Variants in CADM2 observed in about 807,000 individuals in gnomAD.
The protein encoded by CADM2 is cell adhesion molecule 2, also known as immunoglobulin superfamily member 4D.
A neutral mutation model predicts 49.8 loss-of-function variants in CADM2; 12 were observed. That is an observed-to-expected ratio of 0.24 (90% CI 0.15 to 0.39). CADM2 has a LOEUF of 0.39. Ranked by LOEUF, CADM2 falls within the 10% of genes least tolerant of loss-of-function variation. CADM2 has a pLI of 1.00. For synonymous variants in CADM2, 214 were observed against 175.4 expected (o/e 1.22, Z -1.74); for missense variants, 378 against 492.3 (o/e 0.77, Z 2.20).
At chr3:85,310,790 C>T (rs145445105) in intron 1 of CADM2, among the ~76,000 whole-genome samples, 22 of 151,524 alleles carry the variant, frequency 1.5e-4, no homozygotes, top group African/African-American at 4.8e-4. Context: ...GAAATTTTTA[C>T]ATCACCAATT....
intron 1 of CADM2, among the ~76,000 whole-genome samples, chr3:85,654,012 A>G (rs188223187): frequency 1.0e-3 from 154 of 152,364 alleles, no homozygotes; most frequent in Middle Eastern, 6.8e-3. Context: ...GGATTTATCA[A>G]TCTGAAAGCC....
chr3:85,622,686 G>T (rs186095622), intron 1 of CADM2, among the ~76,000 whole-genome samples: 1 of 152,168 alleles, frequency 6.6e-6, no homozygotes, highest in Admixed American at 6.6e-5. Context: ...AATCAAACTT[G>T]CATACTTATC....
chr3:85,850,337 T>G (rs77963981), intron 3 of CADM2, among the ~76,000 whole-genome samples: 2 of 135,348 alleles, frequency 1.5e-5, no homozygotes, highest in Non-Finnish European at 3.1e-5. Context: ...TTTTTTTTTT[T>G]TTTTTGAGAC....
At chr3:85,724,283 C>T (rs1659666119) in intron 1 of CADM2, among the ~76,000 whole-genome samples, 1 of 151,732 alleles carries the variant, frequency 6.6e-6, no homozygotes, top group Non-Finnish European at 1.5e-5. Flanking sequence ...ATGTAATATA[C>T]TTGCACACTT....
At chr3:85,076,835 G>T (rs2107489028) in intron 1 of CADM2, among the ~76,000 whole-genome samples, 1 of 152,140 alleles carries the variant, frequency 6.6e-6, no homozygotes, top group Non-Finnish European at 1.5e-5. Flanking sequence ...ACAAGGGCGT[G>T]GTGGCAGGCA....
intron 1 of CADM2, among the ~76,000 whole-genome samples, chr3:85,613,298 T>G (rs566786673): frequency 2.0e-5 from 3 of 151,854 alleles, no homozygotes; most frequent in African/African-American, 7.2e-5. Flanking sequence ...CATATTAATC[T>G]AGTATAACCT....
chr3:85,006,691 A>T (rs1031183201), intron 1 of CADM2, among the ~76,000 whole-genome samples: 1 of 152,148 alleles, frequency 6.6e-6, no homozygotes, highest in African/African-American at 2.4e-5. Flanking sequence ...GCTAATATGT[A>T]CACTTTGAAA....
intron 1 of CADM2, among the ~76,000 whole-genome samples, chr3:85,574,964 T>C (rs1384700534): frequency 6.6e-6 from 1 of 152,102 alleles, no homozygotes; most frequent in African/African-American, 2.4e-5. Context: ...ATTACCCTTA[T>C]TGAGAGTAGA....
At chr3:85,850,521 G>T (rs542733336) in intron 3 of CADM2, among the ~76,000 whole-genome samples, 1 of 151,790 alleles carries the variant, frequency 6.6e-6, no homozygotes, top group South Asian at 2.1e-4. Context: ...GTAGAGACGG[G>T]GTTTCACCAT....
At chr3:85,684,531 G>T (rs543022789) in intron 1 of CADM2, among the ~76,000 whole-genome samples, 2 of 152,254 alleles carry the variant, frequency 1.3e-5, no homozygotes, top group South Asian at 4.1e-4. Flanking sequence ...CTAGGGTCTT[G>T]TGTATTAGTT....
intron 1 of CADM2, among the ~76,000 whole-genome samples, chr3:85,150,663 G>C (rs1277853632): frequency 6.6e-6 from 1 of 151,960 alleles, no homozygotes; most frequent in Admixed American, 6.6e-5. Context: ...TCAGCACTTT[G>C]GGAGGCTGAG....
chr3:85,483,020 T>TAA (rs2039275292), intron 1 of CADM2, among the ~76,000 whole-genome samples: 1 of 151,608 alleles, frequency 6.6e-6, no homozygotes, highest in Admixed American at 6.6e-5. Context: ...CAATCTTGAC[T>TAA]AAAAAACACC....
At chr3:85,040,589 G>C (rs1291455468) in intron 1 of CADM2, among the ~76,000 whole-genome samples, 1 of 151,180 alleles carries the variant, frequency 6.6e-6, no homozygotes, top group Non-Finnish European at 1.5e-5. Flanking sequence ...ACAAACAATA[G>C]GTTTAATCCT....
At chr3:85,016,551 G>T (rs1043097570) in intron 1 of CADM2, among the ~76,000 whole-genome samples, 1 of 152,126 alleles carries the variant, frequency 6.6e-6, no homozygotes, top group Non-Finnish European at 1.5e-5. Context: ...CTAGCACTTT[G>T]GTTGGCCAAG....
chr3:85,594,088 A>C (rs2063181145), intron 1 of CADM2, among the ~76,000 whole-genome samples: 1 of 152,004 alleles, frequency 6.6e-6, no homozygotes, highest in South Asian at 2.1e-4. Context: ...AAATTCTTAA[A>C]AACAGTAATT....
At chr3:85,811,902 G>A (rs1228910359) in intron 3 of CADM2, among the ~76,000 whole-genome samples, 1 of 144,806 alleles carries the variant, frequency 6.9e-6, no homozygotes, top group Non-Finnish European at 1.5e-5. Flanking sequence ...CCCATTTTGA[G>A]CATTAGTAGC....
At chr3:85,949,640 A>G (rs1221128142) in intron 7 of CADM2, among the ~76,000 whole-genome samples, 1 of 151,234 alleles carries the variant, frequency 6.6e-6, no homozygotes, top group Non-Finnish European at 1.5e-5. Flanking sequence ...ATTATCTTCA[A>G]GCTTTACTTA....
chr3:85,346,343 T>A (rs1247689667), intron 1 of CADM2, among the ~76,000 whole-genome samples: 1 of 152,190 alleles, frequency 6.6e-6, no homozygotes, highest in Non-Finnish European at 1.5e-5. Context: ...TACTTTGACA[T>A]TTTTCACAGG....
intron 1 of CADM2, among the ~76,000 whole-genome samples, chr3:85,209,486 G>C (rs550255912): frequency 1.5e-4 from 23 of 152,118 alleles, no homozygotes; most frequent in Admixed American, 9.2e-4. Context: ...AAATATTTCT[G>C]TAAAGGTTAT....
Sources: allele counts gnomAD v4.1 joint callset (sites outside exome capture counted in the v4.1 genomes callset), GRCh38; gene constraint gnomAD v4.1.1; transcripts MANE v1.5; gene names NCBI Gene and HGNC (gene_info 2026-07-23, HGNC 2026-07-21).